Variants in MINDY4 observed in about 807,000 individuals in gnomAD.
MINDY4 encodes the protein probable ubiquitin carboxyl-terminal hydrolase MINDY-4.
In MINDY4, 68 loss-of-function variants were observed where a neutral mutation model predicts 87.0. The ratio of observed to expected loss-of-function variants is 0.78; its 90% CI spans 0.64 to 0.96. The LOEUF (loss-of-function observed/expected upper bound fraction) is 0.96. Among genes scored for constraint, MINDY4 ranks in the 40% least tolerant of loss-of-function variants. The pLI is 0.00. For synonymous variants in MINDY4, 379 were observed against 363.2 expected, an observed-to-expected ratio of 1.04 and a Z score of -0.50; for missense variants, 919 against 928.2, an observed-to-expected ratio of 0.99 and a Z score of 0.13.
In MINDY4 at chr7:30,828,763, T is replaced by G. The variant is rs148552879; in HGVS notation, c.1132+26T>G. ...GTAGGTGCAGCGGGTGCCTCTGTGC[T>G]GTGCCCATCAGGGCCCAAGGGGTCC... On this transcript the variant is annotated intron_variant, in intron 6 of 17. Transcript: ENST00000265299. The G allele has an allele frequency of 1.9e-6, 3 of 1,609,902 alleles. No homozygotes were observed. The East Asian group carries it at 6.7e-5, about 36-fold the overall frequency.
intron 4 of MINDY4, 62 bp downstream of exon 4, chr7:30,786,054 G>A: frequency 6.3e-7 from 1 of 1,592,524 alleles, no homozygotes; most frequent in Admixed American, 1.7e-5. Context: ...CTGGGCTTAA[G>A]GCACGCCTGG....
At chr7:30,864,842 G>A (rs1429262292) in intron 13 of MINDY4, among the ~76,000 whole-genome samples, 2 of 152,242 alleles carry the variant, frequency 1.3e-5, no homozygotes, top group South Asian at 2.1e-4. Context: ...GCTCCTCTCA[G>A]TAATGGAGAA....
intron 5 of MINDY4, among the ~76,000 whole-genome samples, chr7:30,806,138 A>G (rs558807570): frequency 1.4e-4 from 21 of 152,338 alleles, no homozygotes; most frequent in African/African-American, 5.1e-4. Context: ...TATTCCAATT[A>G]AGCAAAGCTT....
intron 5 of MINDY4, among the ~76,000 whole-genome samples, chr7:30,793,610 G>A (rs1029526017): frequency 2.0e-5 from 3 of 151,956 alleles, no homozygotes; most frequent in Non-Finnish European, 4.4e-5. Flanking sequence ...TTGTAGAGAC[G>A]GGGTTTTGTT....
rs750399016 is a variant in MINDY4 at position 30,778,483 on chromosome 7, C to A, written c.115C>A (p.Leu39Ile). The change falls in exon 2 of 18, where the codon CTC becomes ATC. Residue 39 changes from leucine (L) to isoleucine (I), a missense_variant. Transcript: ENST00000265299. ...GGACCAGGAACGCCCACGCTCTGAC[C>A]TCAGCATAAACAACAGAAATGATCT... is the stretch of plus-strand genomic sequence containing the variant. The part of the protein sequence containing the change: ...TMDQERPRSD[L>I]SINNRNDLRK... The A allele has an allele frequency of 6.2e-7, 1 of 1,614,188 alleles. No homozygotes were observed. Among genetic ancestry groups the A allele is most frequent in the South Asian group, 1.1e-5 (1 of 91,078 alleles).
At chr7:30,860,317 G>A (rs1421844950) in intron 13 of MINDY4, among the ~76,000 whole-genome samples, 1 of 152,192 alleles carries the variant, frequency 6.6e-6, no homozygotes, top group Non-Finnish European at 1.5e-5. Context: ...GGGGAGGACA[G>A]TGGGGGCTCT....
At chr7:30,870,675 A>G (rs1432767296) in intron 13 of MINDY4, among the ~76,000 whole-genome samples, 2 of 152,274 alleles carry the variant, frequency 1.3e-5, no homozygotes, top group Non-Finnish European at 2.9e-5. Flanking sequence ...GGAAGCAGAC[A>G]GAGACTCAGG....
At chr7:30,785,028 C>A (rs1241850101) in intron 3 of MINDY4, among the ~76,000 whole-genome samples, 2 of 151,642 alleles carry the variant, frequency 1.3e-5, no homozygotes, top group Non-Finnish European at 2.9e-5. Context: ...TGGGCTCTCT[C>A]TTGTTCTTTC....
intron 1 of MINDY4, 43 bp downstream of exon 1, chr7:30,771,599 T>A: frequency 6.4e-7 from 1 of 1,559,508 alleles, no homozygotes; most frequent in Non-Finnish European, 8.7e-7. Context: ...TGGCTCTAAT[T>A]TGGGGGGATC....
intron 9 of MINDY4, among the ~76,000 whole-genome samples, chr7:30,847,923 G>A (rs1429528305): frequency 6.6e-6 from 1 of 152,106 alleles, no homozygotes; most frequent in African/African-American, 2.4e-5. Flanking sequence ...TTTCTAGACA[G>A]AGTCTCGCTA....
intron 16 of MINDY4, 32 bp from the exon 17 acceptor site, chr7:30,882,889 T>G (rs1325132191): frequency 6.2e-7 from 1 of 1,604,590 alleles, no homozygotes; most frequent in Non-Finnish European, 8.5e-7. Flanking sequence ...GGGCCCTGGG[T>G]GACATGTGTG....
intron 6 of MINDY4, among the ~76,000 whole-genome samples, chr7:30,834,061 C>T (rs553422790): frequency 3.9e-5 from 6 of 152,214 alleles, no homozygotes; most frequent in South Asian, 2.1e-4. Context: ...GTGAATCTAC[C>T]ATTCTGGGGT....
chr7:30,816,776 A>T (rs964019905), intron 5 of MINDY4, among the ~76,000 whole-genome samples: 1 of 152,222 alleles, frequency 6.6e-6, no homozygotes, highest in Admixed American at 6.5e-5. Context: ...GTTAAGGCAG[A>T]TTGTTTTCAC....
At chr7:30,877,928 C>T (rs939988065) in intron 15 of MINDY4, among the ~76,000 whole-genome samples, 1 of 146,604 alleles carries the variant, frequency 6.8e-6, no homozygotes, top group South Asian at 2.2e-4. Context: ...GATCCACCCA[C>T]CTCAGCCTTA....
chr7:30,794,225 C>T (rs1787411615), intron 5 of MINDY4, among the ~76,000 whole-genome samples: 2 of 152,204 alleles, frequency 1.3e-5, no homozygotes, highest in Non-Finnish European at 2.9e-5. Flanking sequence ...GTGCCCCCTT[C>T]CCCTTGTTTT....
At chr7:30,878,655 A>G (rs987789828) in intron 15 of MINDY4, among the ~76,000 whole-genome samples, 2 of 152,172 alleles carry the variant, frequency 1.3e-5, no homozygotes, top group African/African-American at 4.8e-5. Flanking sequence ...ATGGGGTGGG[A>G]CAGGGAGTTT....
Position 30,875,547 on chromosome 7 carries a change from A to G in MINDY4, c.1862A>G (p.Asp621Gly). ...TGKAVSNVFN[D>G]VVELDSGDGN... ...AAAGCTGTGTCCAACGTTTTCAACG[A>G]TGTGGTTGAGCTGGATTCTGGGGAT... is the stretch of plus-strand genomic sequence containing the variant. Residue 621 changes from aspartate (D) to glycine (G), a missense_variant, in exon 15 of 18, where the codon GAT becomes GGT. Asp to Gly is a moderately conservative substitution (Grantham distance 94). Coordinates refer to ENST00000265299, the MANE Select transcript of MINDY4 (RefSeq NM_032222.3). 1 of 1,614,192 alleles carries G rather than the reference A, an allele frequency of 6.2e-7. No individual in the cohort carries two copies. Among genetic ancestry groups the G allele is most frequent in the Non-Finnish European group, 8.5e-7 (1 of 1,180,038 alleles).
chr7:30,876,047 A>G (rs1360330417), intron 15 of MINDY4, among the ~76,000 whole-genome samples: 1 of 152,170 alleles, frequency 6.6e-6, no homozygotes, highest in Admixed American at 6.5e-5. Context: ...GGGTGGCTTG[A>G]AACAACAGAA....
At chr7:30,858,799 C>T (rs1789658611) in intron 12 of MINDY4, 1 of 360,680 alleles carries the variant, frequency 2.8e-6, no homozygotes. Flanking sequence ...AATTAGAGAT[C>T]CCTGGAGTCC....
Sources: allele counts gnomAD v4.1 joint callset (sites outside exome capture counted in the v4.1 genomes callset), GRCh38; gene constraint gnomAD v4.1.1; transcripts MANE v1.5; gene names NCBI Gene and HGNC (gene_info 2026-07-23, HGNC 2026-07-21).